Variants in MUC5AC observed in about 807,000 individuals in gnomAD.
The protein encoded by MUC5AC is mucin-5AC.
In MUC5AC, 158 loss-of-function variants were observed where a neutral mutation model predicts 169.7. The observed-to-expected ratio is 0.93, with a 90% CI of 0.82 to 1.06. The LOEUF (loss-of-function observed/expected upper bound fraction) is 1.06. Ranked by LOEUF, MUC5AC falls within the 50% of genes least tolerant of loss-of-function variation. The pLI is 0.00. For synonymous variants in MUC5AC, 1,975 were observed against 1,237.0 expected (o/e 1.60, Z -12.52); for missense variants, 4,359 against 3,089.9 (o/e 1.41, Z -9.74).
intron 20 of MUC5AC, 60 bp from the exon 21 acceptor site, chr11:1,176,454 G>A (rs1367170053): frequency 2.0e-5 from 8 of 398,780 alleles, no homozygotes; most frequent in African/African-American, 1.4e-4. Flanking sequence ...CTGTCCCTGG[G>A]AGGACCTGGC....
At chr11:1,193,824 C>T (rs959635378) in intron 33 of MUC5AC, among the ~76,000 whole-genome samples, 165 bp downstream of exon 33, 3 of 152,244 alleles carry the variant, frequency 2.0e-5, no homozygotes, top group African/African-American at 7.2e-5. Context: ...GGGGCCGAGC[C>T]TCCCCGCTTA....
chr11:1,199,790 G>A, intron 47 of MUC5AC, 26 bp downstream of exon 47: 1 of 723,912 alleles, frequency 1.4e-6, no homozygotes. Flanking sequence ...GCTGGGCGGG[G>A]CGGGCTCCAC....
At position 1,185,002 on chromosome 11, in the gene MUC5AC, C is replaced by A; in HGVS notation, c.6857C>A (p.Ser2286Tyr). The change falls in exon 31 of 49, where the codon TCT becomes TAT. Residue 2286 changes from serine (S) to tyrosine (Y), a missense_variant. Transcript: ENST00000621226. ...TTSAPTARTT[S>Y]APTTRTTSAS... ...TCTGCTCCTACAGCCAGAACAACCT[C>A]TGCTCCTACAACCAGAACAACCTCT... 1 of 687,402 alleles carries A rather than the reference C, an allele frequency of 1.5e-6. No homozygotes were observed. The highest frequency in any genetic ancestry group is 2.7e-6 in the Non-Finnish European group (1 of 376,780). 42.6% of individuals were successfully genotyped at this position (687,402 alleles called of 1,614,324 possible).
chr11:1,174,310 T>C (rs1297374194), intron 16 of MUC5AC, among the ~76,000 whole-genome samples, 186 bp from the exon 17 acceptor site: 1 of 152,228 alleles, frequency 6.6e-6, no homozygotes, highest in Non-Finnish European at 1.5e-5. Context: ...GTGGTTCTGC[T>C]CCATGACATG....
chr11:1,162,249 T>G (rs1355486771), intron 4 of MUC5AC, 81 bp downstream of exon 4: 2 of 1,538,286 alleles, frequency 1.3e-6, no homozygotes, highest in Non-Finnish European at 1.7e-6. Flanking sequence ...TTCGCGGTCC[T>G]GGGAGGGATG....
At position 1,191,736 on chromosome 11, in the gene MUC5AC, T is replaced by C. The variant is rs113523130; in HGVS notation, c.13591T>C (p.Ser4531Pro). The C allele has an allele frequency of 1.5e-5, 11 of 714,792 alleles. No homozygotes were observed. The highest frequency in any genetic ancestry group is 3.9e-5 in the African/African-American group (2 of 51,304). The allele number at this position is 714,792 out of a possible 1,614,324, so 44.3% of individuals were successfully genotyped here. ...CTCTGCTCCTACAACCAGCACAACCTCTGCCTCTACAGCCAGCACAACCTC... is the reference window on the plus strand; with the variant it reads ...CTCTGCTCCTACAACCAGCACAACCCCTGCCTCTACAGCCAGCACAACCTC... ...TTSAPTTSTT[S>P]ASTASTTSGP... is the part of the protein sequence containing the mutation. The change falls in exon 31 of 49, where the codon TCT (serine) becomes CCT (proline). Residue 4531 changes from serine (S) to proline (P), a missense_variant. Physicochemically the swap from Ser to Pro is moderately conservative, Grantham distance 74 (BLOSUM62 -1). Transcript: ENST00000621226.
At chr11:1,173,581 TCACC>T (rs1860604593) in intron 16 of MUC5AC, among the ~76,000 whole-genome samples, 2 of 133,162 alleles carry the variant, frequency 1.5e-5, no homozygotes, top group African/African-American at 6.3e-5. Context: ...ATCCACTCAC[TCACC>T]CACTCACTCA....
chr11:1,200,701 G>C lies in MUC5AC; in HGVS notation c.16964G>C (p.Ter5655SerextTer7), dbSNP rs1170604967. The change falls in exon 49 of 49, where the codon TGA (stop) becomes TCA (serine). Residue 5655 changes from the stop codon to serine, a stop_lost. Transcript: ENST00000621226. ...ERGVPVSPMH[*>S] ...GGCGTCCCAGTGTCCCCCATGCACT[G>C]ACCAGCACTGCCGCCCTCCTGACCT... is the stretch of plus-strand genomic sequence containing the variant. 1.4e-6 allele frequency: 1 copy of C among 735,938 alleles called. No individual in the cohort carries two copies. The highest frequency in any genetic ancestry group is 1.8e-5 in the Admixed American group (1 of 56,868). 45.6% of individuals were successfully genotyped at this position (735,938 alleles called of 1,614,324 possible). A position where few individuals can be genotyped will look rare whatever the true frequency, so the allele number is the denominator to read the frequency against.
In MUC5AC at chr11:1,182,648, C is replaced by T. The variant is rs1457992213; in HGVS notation, c.4503C>T (p.Thr1501=). 458 of 399,362 alleles carry T rather than the reference C, an allele frequency of 1.1e-3. 10 individuals are homozygous for T. In the East Asian group the frequency reaches 0.016, roughly 14 times the overall value. 24.7% of individuals were successfully genotyped at this position (399,362 alleles called of 1,614,324 possible). Residue 1501 remains threonine (T), a synonymous_variant, in exon 31 of 49, where the codon ACC becomes ACT. Transcript: ENST00000621226. ...CAACTACCTCCAAGACCACTGAAAC[C>T]CGGGCCTCAGGCTCCTCAGCTCCCA... is the stretch of plus-strand genomic sequence containing the variant. The part of the protein sequence containing the change: ...TPPTTSKTTE[T]RASGSSAPSS...
chr11:1,183,333 G>A lies in MUC5AC; in HGVS notation c.5188G>A (p.Val1730Ile), dbSNP rs1414745177. 1.1e-3 allele frequency: 530 copies of A among 483,942 alleles called. 9 individuals carry two copies. Among genetic ancestry groups the A allele is most frequent in the East Asian group, 0.01 (329 of 31,652 alleles). The allele number at this position is 483,942 out of a possible 1,614,324, so 30.0% of individuals were successfully genotyped here. Residue 1730 changes from valine (V) to isoleucine (I), a missense_variant, in exon 31 of 49, where the codon GTC becomes ATC. By Grantham distance (29) the Val-to-Ile change is conservative. Coordinates refer to ENST00000621226, the MANE Select transcript of MUC5AC (RefSeq NM_001304359.2). ...TSRGGPTATS[V>I]TQGTHTTLVT... Reference sequence around the variant, plus strand: ...CAGGGGTGGGCCCACAGCAACCAGCGTCACACAGGGCACCCACACCACACT... The same window carrying A: ...CAGGGGTGGGCCCACAGCAACCAGCATCACACAGGGCACCCACACCACACT...
In MUC5AC at chr11:1,190,524, ACCAGCACAAC is replaced by A; in HGVS notation, c.12381_12390del (p.Ser4128LeufsTer159). 2.0e-6 allele frequency: 1 copy of A among 500,352 alleles called. No individual in the cohort carries two copies. Among genetic ancestry groups the A allele is most frequent in the Non-Finnish European group, 4.0e-6 (1 of 249,822 alleles). The allele number at this position is 500,352 out of a possible 1,614,324, so 31.0% of individuals were successfully genotyped here. A position where few individuals can be genotyped will look rare whatever the true frequency, so the allele number is the denominator to read the frequency against. On this transcript the variant is annotated frameshift_variant, in exon 31 of 49. Coordinates refer to ENST00000621226, the MANE Select transcript of MUC5AC (RefSeq NM_001304359.2). LOFTEE classifies it high-confidence loss of function. ...ACCCAGCACAACCTCTGCCCCTACA[ACCAGCACAAC>A]CTCTGCCCCTACAACCAGCACGACC...
rs1248719429 is a variant in MUC5AC at position 1,185,867 on chromosome 11, T to C, written c.7722T>C (p.Pro2574=). 20 of 748,210 alleles carry C rather than the reference T, an allele frequency of 2.7e-5. 1 individual carries two copies. Among genetic ancestry groups the C allele is most frequent in the South Asian group, 2.2e-4 (16 of 72,048 alleles). 46.3% of individuals were successfully genotyped at this position (748,210 alleles called of 1,614,324 possible). Residue 2574 remains proline (P), a synonymous_variant, in exon 31 of 49, where the codon CCT becomes CCC. Transcript: ENST00000621226. ...TTSGPGTTPS[P]VPTTSTTSAP... The stretch of plus-strand genomic sequence containing the variant: ...CTGGTCCTGGAACTACTCCCAGCCC[T>C]GTTCCTACCACGAGCACAACCTCTG...
At chr11:1,171,959 T>G (rs1361402934) in intron 15 of MUC5AC, among the ~76,000 whole-genome samples, 2 of 151,976 alleles carry the variant, frequency 1.3e-5, no homozygotes, top group East Asian at 3.9e-4. Flanking sequence ...ACTCACTCAC[T>G]CACTCACTCA....
Position 1,181,183 on chromosome 11 carries a change from G to A in MUC5AC, c.3820+1G>A. 2.5e-6 allele frequency: 1 copy of A among 398,664 alleles called. No individual in the cohort carries two copies. Among genetic ancestry groups the A allele is most frequent in the Non-Finnish European group, 4.4e-6 (1 of 226,120 alleles). 24.7% of individuals were successfully genotyped at this position (398,664 alleles called of 1,614,324 possible). A position where few individuals can be genotyped will look rare whatever the true frequency, so the allele number is the denominator to read the frequency against. ...GTGGAGTGCACCTACAAAGCTGAGG[G>A]TGAGCGGCCGGCAGCCCCTGGGGCT... On this transcript the variant is annotated splice_donor_variant, in intron 29 of 48. Transcript: ENST00000621226. LOFTEE classifies it high-confidence loss of function.
rs771602056 is a variant in MUC5AC at position 1,158,141 on chromosome 11, C to T, written c.73+69C>T. The T allele has an allele frequency of 2.5e-5, 35 of 1,405,414 alleles. No individual in the cohort carries two copies. In the Admixed American group the frequency reaches 3.1e-4, roughly 13 times the overall value. 87.1% of individuals were successfully genotyped at this position (1,405,414 alleles called of 1,614,324 possible). A position where few individuals can be genotyped will look rare whatever the true frequency, so the allele number is the denominator to read the frequency against. On this transcript the variant is annotated intron_variant, in intron 1 of 48. Coordinates refer to ENST00000621226, the MANE Select transcript of MUC5AC (RefSeq NM_001304359.2). ...GGTACTGAGTGGGCCTCAGGCAGCT[C>T]AGTCTTTGCCCTGGGTTCCGGGCAG...
In MUC5AC at chr11:1,182,434, G is replaced by A; in HGVS notation, c.4289G>A (p.Arg1430Gln). 3 of 398,638 alleles carry A rather than the reference G, an allele frequency of 7.5e-6. No individual in the cohort carries two copies. The highest frequency in any genetic ancestry group is 3.6e-5 in the East Asian group (1 of 28,078). 24.7% of individuals were successfully genotyped at this position (398,638 alleles called of 1,614,324 possible). A position where few individuals can be genotyped will look rare whatever the true frequency, so the allele number is the denominator to read the frequency against. Residue 1430 changes from arginine to glutamine, a missense_variant, in exon 31 of 49, where the codon CGA (arginine) becomes CAA (glutamine). Transcript: ENST00000621226. ...VCESPRSVEC[R>Q]AEDAPGVPLR... ...GAATCACCCAGGTCGGTGGAGTGCC[G>A]AGCTGAGGACGCCCCCGGAGTGCCG...
intron 39 of MUC5AC, 74 bp from the exon 40 acceptor site, chr11:1,196,803 C>T (rs1212290784): frequency 1.4e-6 from 1 of 739,800 alleles, no homozygotes; most frequent in Admixed American, 1.8e-5. Flanking sequence ...TACCCTGGCC[C>T]CAATATGGGA....
chr11:1,161,853 T>C (rs1590132584), intron 3 of MUC5AC, 54 bp from the exon 4 acceptor site: 2 of 1,565,394 alleles, frequency 1.3e-6, no homozygotes, highest in African/African-American at 2.7e-5. Flanking sequence ...AGGCAGGGGG[T>C]GCAGGGCGAG....
rs1554928405 is a variant in MUC5AC at position 1,187,929 on chromosome 11, C to T, written c.9784C>T (p.Arg3262Ter). The change falls in exon 31 of 49, where the codon CGA (arginine) becomes TGA (stop). Residue 3262 changes from arginine to a stop codon, truncating the protein, a stop_gained. Transcript: ENST00000621226. LOFTEE classifies it high-confidence loss of function. ...IIRSGEKICR[R>*]PEEITRLQCR... ...CAGGAGTGGGGAAAAAATCTGCCGC[C>T]GACCTGAGGAGATCACCAGGCTCCA... is the stretch of plus-strand genomic sequence containing the variant. The T allele has an allele frequency of 2.6e-5, 20 of 755,386 alleles. No homozygotes were observed. Among genetic ancestry groups the T allele is most frequent in the Admixed American group, 6.9e-5 (4 of 58,142 alleles). 46.8% of individuals were successfully genotyped at this position (755,386 alleles called of 1,614,324 possible).
Sources: gnomAD v4.1 joint callset for allele counts (sites outside exome capture counted in the v4.1 genomes callset) on GRCh38, gnomAD v4.1.1 for gene constraint, MANE v1.5 for transcripts, NCBI Gene and HGNC (gene_info 2026-07-23, HGNC 2026-07-21) for gene names.